Variants in RSRC1 observed in about 807,000 individuals in gnomAD.
RSRC1 encodes the protein serine/Arginine-related protein 53.
Under a neutral mutation model 49.1 loss-of-function variants are expected in RSRC1, and 39 were observed. The ratio of observed to expected loss-of-function variants is 0.79; its 90% confidence interval spans 0.61 to 1.04. RSRC1 has a LOEUF of 1.04. RSRC1 is among the 50% of genes least tolerant of loss of function. RSRC1 has a pLI of 0.00. For missense variants in RSRC1, 388 were observed against 402.4 expected (o/e 0.96, Z 0.31); for synonymous variants, 143 against 130.8 (o/e 1.09, Z -0.63).
At chr3:158,313,398 A>T in intron 5 of RSRC1, among the ~76,000 whole-genome samples, 1 of 152,296 alleles carries the variant, frequency 6.6e-6, no homozygotes, top group Middle Eastern at 3.4e-3. Context: ...AGATTTTTAA[A>T]TATTTATTAT....
intron 6 of RSRC1, among the ~76,000 whole-genome samples, chr3:158,374,399 A>G (rs548623503): frequency 6.6e-6 from 1 of 152,282 alleles, no homozygotes; most frequent in African/African-American, 2.4e-5. Flanking sequence ...GAGGAAGTCT[A>G]GGTTGCTCTT....
intron 6 of RSRC1, among the ~76,000 whole-genome samples, chr3:158,456,383 A>G (rs990625458): frequency 6.6e-6 from 1 of 151,468 alleles, no homozygotes; most frequent in Non-Finnish European, 1.5e-5. Context: ...CATTAGCCCA[A>G]ACTCAGGTAA....
At chr3:158,511,290 T>G (rs899103174) in intron 7 of RSRC1, among the ~76,000 whole-genome samples, 4 of 152,026 alleles carry the variant, frequency 2.6e-5, no homozygotes, top group Non-Finnish European at 5.9e-5. Context: ...CAGAGTGTGA[T>G]GTTCCCCTTC....
At chr3:158,185,012 A>G (rs773769354) in intron 3 of RSRC1, among the ~76,000 whole-genome samples, 3 of 119,908 alleles carry the variant, frequency 2.5e-5, no homozygotes, top group Non-Finnish European at 3.4e-5. Context: ...TTTTACAATC[A>G]TATTTGTTGT....
At chr3:158,238,598 C>G (rs1471251739) in intron 4 of RSRC1, among the ~76,000 whole-genome samples, 2 of 152,056 alleles carry the variant, frequency 1.3e-5, no homozygotes, top group East Asian at 1.9e-4. Context: ...ACAAACCTGA[C>G]AAAAACAAGA....
chr3:158,510,886 TTAAA>T (rs1740128124), intron 7 of RSRC1, among the ~76,000 whole-genome samples: 4 of 152,160 alleles, frequency 2.6e-5, no homozygotes. Flanking sequence ...TCAGGTTTCA[TTAAA>T]TAGATTAAGT....
chr3:158,385,620 A>G (rs1732930225), intron 6 of RSRC1, among the ~76,000 whole-genome samples: 1 of 152,214 alleles, frequency 6.6e-6, no homozygotes, highest in South Asian at 2.1e-4. Context: ...GAGAGTATTT[A>G]TCATTGCCTT....
At chr3:158,249,808 C>T (rs1204962) in intron 4 of RSRC1, among the ~76,000 whole-genome samples, 72,409 of 151,864 alleles carry the variant, frequency 0.48, 17,812 homozygotes, top group East Asian at 0.64. Context: ...CAAGCATTTA[C>T]CCTTTTTGTT....
At chr3:158,231,041 T>C (rs1247528303) in intron 4 of RSRC1, among the ~76,000 whole-genome samples, 2 of 152,106 alleles carry the variant, frequency 1.3e-5, no homozygotes, top group African/African-American at 4.8e-5. Context: ...CCTATTCTCG[T>C]GTTTAGCACA....
intron 4 of RSRC1, among the ~76,000 whole-genome samples, chr3:158,233,693 ATATAT>A (rs150428635): frequency 0.028 from 4,326 of 152,250 alleles, 113 homozygotes; most frequent in Non-Finnish European, 0.044. Context: ...TGAAATCTTG[ATATAT>A]TATATACAAA....
intron 4 of RSRC1, among the ~76,000 whole-genome samples, chr3:158,218,540 A>G (rs1722073606): frequency 6.6e-6 from 1 of 151,684 alleles, no homozygotes; most frequent in Non-Finnish European, 1.5e-5. Context: ...GGTATCATAC[A>G]TTTGCTTTGG....
At chr3:158,177,110 T>C (rs1383992782) in intron 3 of RSRC1, among the ~76,000 whole-genome samples, 2 of 152,112 alleles carry the variant, frequency 1.3e-5, no homozygotes. Flanking sequence ...TCACACCAGT[T>C]AGAATGTCCA....
chr3:158,388,831 G>T (rs548927649), intron 6 of RSRC1, among the ~76,000 whole-genome samples: 1 of 151,956 alleles, frequency 6.6e-6, no homozygotes, highest in Non-Finnish European at 1.5e-5. Flanking sequence ...GGATGGTCTC[G>T]ATCTCCTGAC....
intron 1 of RSRC1, among the ~76,000 whole-genome samples, chr3:158,118,619 T>G (rs1715038740): frequency 6.6e-6 from 1 of 152,164 alleles, no homozygotes; most frequent in Admixed American, 6.5e-5. Flanking sequence ...TTTTCTTCTG[T>G]ATGTTCTGGT....
At chr3:158,365,558 T>G (rs1274888152) in intron 6 of RSRC1, among the ~76,000 whole-genome samples, 1 of 152,200 alleles carries the variant, frequency 6.6e-6, no homozygotes, top group African/African-American at 2.4e-5. Flanking sequence ...TGATGGACAT[T>G]TGGGTTGGTT....
intron 4 of RSRC1, among the ~76,000 whole-genome samples, chr3:158,266,244 T>A (rs952261625): frequency 6.6e-6 from 1 of 152,124 alleles, no homozygotes; most frequent in African/African-American, 2.4e-5. Context: ...TTTCCCTTAC[T>A]CTCTACTCAT....
In RSRC1 at chr3:158,192,099, A is replaced by C. The variant is rs78699821; in HGVS notation, c.321-10973A>C. Among the ~76,000 whole-genome samples, 653 of 151,796 alleles carry C rather than the reference A, an allele frequency of 4.3e-3. 13 individuals carry two copies. The South Asian group carries it at 0.048, about 11-fold the overall frequency. On this transcript the variant is annotated intron_variant, in intron 3 of 9. Coordinates refer to ENST00000611884, the MANE Select transcript of RSRC1 (RefSeq NM_001271838.2). ...ATTTTCTTCAGAGTCACTTTTTGCTACTTGCAATCTATAAGCATGATTAAG... is the reference window on the plus strand; with the variant it reads ...ATTTTCTTCAGAGTCACTTTTTGCTCCTTGCAATCTATAAGCATGATTAAG...
chr3:158,445,669 A>T (rs1175897482), intron 6 of RSRC1, among the ~76,000 whole-genome samples: 1 of 152,104 alleles, frequency 6.6e-6, no homozygotes, highest in Non-Finnish European at 1.5e-5. Context: ...ACAACGAAAA[A>T]AACGAAGTAT....
chr3:158,230,670 A>T (rs1285788257), intron 4 of RSRC1, among the ~76,000 whole-genome samples: 2 of 152,136 alleles, frequency 1.3e-5, no homozygotes, highest in African/African-American at 2.4e-5. Flanking sequence ...AGTTGTTATG[A>T]TACAGAATTA....
Sources: allele counts gnomAD v4.1 joint callset (sites outside exome capture counted in the v4.1 genomes callset), GRCh38; gene constraint gnomAD v4.1.1; transcripts MANE v1.5; gene names NCBI Gene and HGNC (gene_info 2026-07-23, HGNC 2026-07-21).